The following IMMP2L variants were observed in gnomAD, a reference collection of about 807,000 sequenced individuals.
IMMP2L encodes inner mitochondrial membrane peptidase subunit 2, also known as mitochondrial inner membrane protease subunit 2.
In IMMP2L, 18 loss-of-function variants were observed where a neutral mutation model predicts 19.3. The observed-to-expected ratio is 0.93, with a 90% CI of 0.64 to 1.38. The LOEUF (loss-of-function observed/expected upper bound fraction) is 1.38, where lower values mean the gene tolerates loss of function less well. Among genes scored for constraint, IMMP2L ranks in the 40% most tolerant of loss-of-function variants. The pLI is 0.00. For synonymous variants in IMMP2L, 76 were observed against 73.0 expected, an observed-to-expected ratio of 1.04 and a Z score of -0.21; for missense variants, 233 against 218.2, an observed-to-expected ratio of 1.07 and a Z score of -0.43.
chr7:110,719,402 T>G (rs993859142), intron 5 of IMMP2L, among the ~76,000 whole-genome samples: 1 of 152,188 alleles, frequency 6.6e-6, no homozygotes, highest in Admixed American at 6.5e-5. Context: ...GTTACTCATG[T>G]AATACACAAC....
intron 3 of IMMP2L, among the ~76,000 whole-genome samples, chr7:111,269,596 A>C (rs979028787): frequency 3.9e-5 from 6 of 152,174 alleles, no homozygotes; most frequent in Non-Finnish European, 1.5e-5. Flanking sequence ...TTCTGTATGT[A>C]TATGATGTTA....
intron 5 of IMMP2L, among the ~76,000 whole-genome samples, chr7:110,848,473 A>G (rs917251014): frequency 6.6e-6 from 1 of 152,150 alleles, no homozygotes; most frequent in Non-Finnish European, 1.5e-5. Context: ...ATGTAAAATG[A>G]TAGTCACTTT....
chr7:110,790,291 T>C (rs1389934207), intron 5 of IMMP2L, among the ~76,000 whole-genome samples: 2 of 151,636 alleles, frequency 1.3e-5, no homozygotes, highest in East Asian at 3.9e-4. Context: ...TAGCCAAAGG[T>C]TGGATCATGT....
intron 3 of IMMP2L, among the ~76,000 whole-genome samples, chr7:111,119,211 C>A (rs1800276175): frequency 6.6e-6 from 1 of 152,110 alleles, no homozygotes; most frequent in Admixed American, 6.5e-5. Flanking sequence ...TACAGAAATG[C>A]AATTGGACTT....
chr7:111,446,006 AGAAACGGCGC>A (rs1838348798), intron 3 of IMMP2L, among the ~76,000 whole-genome samples: 1 of 152,026 alleles, frequency 6.6e-6, no homozygotes, highest in Non-Finnish European at 1.5e-5. Context: ...GACCGGCTTA[AGAAACGGCGC>A]ACCACGAGAC....
Position 111,313,835 on chromosome 7 carries a change from T to G in IMMP2L, c.239+173403A>C, listed in dbSNP as rs141312492. ...TATTTGTCCAATCCAAATTTCATGT[T>G]GAACTGCAATCCCCAGCACTGGAGG... On this transcript the variant is annotated intron_variant, in intron 3 of 5. Transcript: ENST00000405709. Among the ~76,000 whole-genome samples the G allele has an allele frequency of 2.2e-3, 335 of 152,266 alleles. 3 individuals carry two copies. The highest frequency in any genetic ancestry group is 7.4e-3 in the African/African-American group (308 of 41,564).
At chr7:110,967,357 T>C (rs182919211) in intron 3 of IMMP2L, among the ~76,000 whole-genome samples, 39 of 152,170 alleles carry the variant, frequency 2.6e-4, no homozygotes, top group African/African-American at 9.1e-4. Context: ...ATTGTGGGGA[T>C]GGAGAGATTA....
At chr7:111,180,045 T>C (rs931772798) in intron 3 of IMMP2L, among the ~76,000 whole-genome samples, 3 of 152,122 alleles carry the variant, frequency 2.0e-5, no homozygotes, top group Middle Eastern at 3.4e-3. Flanking sequence ...GTTTGATCTA[T>C]CCAGAACTCC....
At chr7:110,717,365 T>C (rs1251132175) in intron 5 of IMMP2L, among the ~76,000 whole-genome samples, 1 of 152,204 alleles carries the variant, frequency 6.6e-6, no homozygotes, top group Non-Finnish European at 1.5e-5. Flanking sequence ...CTTGGGAGGC[T>C]GAGGCAGGAG....
At chr7:111,359,807 T>C (rs914127024) in intron 3 of IMMP2L, among the ~76,000 whole-genome samples, 8 of 152,074 alleles carry the variant, frequency 5.3e-5, no homozygotes, top group African/African-American at 1.4e-4. Flanking sequence ...TAAATATTTA[T>C]TGAATGAATG....
At chr7:111,338,412 TTA>T (rs1249321427) in intron 3 of IMMP2L, among the ~76,000 whole-genome samples, 1 of 151,958 alleles carries the variant, frequency 6.6e-6, no homozygotes, top group Non-Finnish European at 1.5e-5. Context: ...GTCATTCTAG[TTA>T]CAGTAAATTG....
At chr7:111,240,737 T>C (rs1405109381) in intron 3 of IMMP2L, among the ~76,000 whole-genome samples, 6 of 151,932 alleles carry the variant, frequency 3.9e-5, no homozygotes, top group Admixed American at 3.9e-4. Flanking sequence ...CTAATTTATA[T>C]TGGTAGTCTG....
intron 3 of IMMP2L, among the ~76,000 whole-genome samples, chr7:111,339,971 T>C (rs924078224): frequency 1.3e-5 from 2 of 151,994 alleles, no homozygotes; most frequent in African/African-American, 4.8e-5. Flanking sequence ...AAATTATAGT[T>C]GTCAAAGAAA....
intron 5 of IMMP2L, among the ~76,000 whole-genome samples, chr7:110,823,317 A>T (rs1803198870): frequency 6.6e-6 from 1 of 152,050 alleles, no homozygotes; most frequent in East Asian, 1.9e-4. Flanking sequence ...ATAAAAATAT[A>T]GTTGCATATA....
chr7:111,048,435 TACC>T (rs1321634459), intron 3 of IMMP2L, among the ~76,000 whole-genome samples: 7 of 152,078 alleles, frequency 4.6e-5, no homozygotes, highest in African/African-American at 1.7e-4. Context: ...CTGATTCAAA[TACC>T]ACCTTTGTAA....
chr7:110,895,377 T>C (rs971527664), intron 4 of IMMP2L, among the ~76,000 whole-genome samples: 9 of 152,166 alleles, frequency 5.9e-5, no homozygotes, highest in South Asian at 2.1e-4. Flanking sequence ...TTCTAGACTC[T>C]ATTTTGTTCC....
intron 4 of IMMP2L, among the ~76,000 whole-genome samples, chr7:110,901,417 T>G (rs144928908): frequency 2.0e-4 from 30 of 152,236 alleles, no homozygotes; most frequent in African/African-American, 6.3e-4. Flanking sequence ...TCGGTAACAG[T>G]TTCATATACT....
chr7:111,464,611 C>T (rs930044455), intron 3 of IMMP2L, among the ~76,000 whole-genome samples: 7 of 152,074 alleles, frequency 4.6e-5, no homozygotes, highest in Non-Finnish European at 8.8e-5. Flanking sequence ...CAATACCTGG[C>T]TTGTAGTAAG....
intron 4 of IMMP2L, among the ~76,000 whole-genome samples, chr7:110,911,806 C>G (rs919456027): frequency 3.3e-5 from 5 of 152,088 alleles, no homozygotes; most frequent in African/African-American, 7.2e-5. Flanking sequence ...TTTAACCTGT[C>G]TAATCTTTCA....
Sources: allele counts gnomAD v4.1 joint callset (sites outside exome capture counted in the v4.1 genomes callset), GRCh38; gene constraint gnomAD v4.1.1; transcripts MANE v1.5; gene names NCBI Gene and HGNC (gene_info 2026-07-23, HGNC 2026-07-21).